FAM178B: variants seen among roughly 807,000 people sequenced by gnomAD.
FAM178B encodes family with sequence similarity 178 member B, also known as protein FAM178B.
A neutral mutation model predicts 91.7 loss-of-function variants in FAM178B; 82 were observed. The ratio of observed to expected loss-of-function variants is 0.89; its 90% confidence interval spans 0.75 to 1.07. The LOEUF (loss-of-function observed/expected upper bound fraction) is 1.07. FAM178B is among the 50% of genes least tolerant of loss of function. The pLI is 0.00. For synonymous variants in FAM178B, 368 were observed against 359.4 expected (o/e 1.02, Z -0.27); for missense variants, 769 against 846.7 (o/e 0.91, Z 1.14).
chr2:96,911,545 G>A (rs1023050940), intron 12 of FAM178B, among the ~76,000 whole-genome samples: 2 of 152,224 alleles, frequency 1.3e-5, no homozygotes, highest in Admixed American at 6.5e-5. Context: ...TTCACCCTGA[G>A]GGGGAAAGTC....
intron 13 of FAM178B, chr2:96,895,168 C>T: frequency 8.2e-7 from 1 of 1,224,076 alleles, no homozygotes; most frequent in Non-Finnish European, 1.1e-6. Context: ...AAAGCAAATA[C>T]ATCGTATCGT....
chr2:96,940,146 G>A (rs62152941), intron 8 of FAM178B, among the ~76,000 whole-genome samples: 79 of 152,244 alleles, frequency 5.2e-4, no homozygotes, highest in South Asian at 4.6e-3. Context: ...TGCAGCTGGC[G>A]TGGCAGACCT....
intron 15 of FAM178B, 31 bp from the exon 16 acceptor site, chr2:96,878,073 G>A (rs371727015): frequency 3.1e-6 from 5 of 1,601,408 alleles, no homozygotes; most frequent in African/African-American, 2.7e-5. Flanking sequence ...CAAGAAGCGG[G>A]TGTAGCACAA....
chr2:96,893,494 AG>A (rs1373900549), intron 14 of FAM178B, among the ~76,000 whole-genome samples: 3 of 152,126 alleles, frequency 2.0e-5, no homozygotes, highest in African/African-American at 7.2e-5. Flanking sequence ...GAAAATGAAC[AG>A]GGAGGCTGGG....
chr2:96,968,006 ATCGCAGCC>A lies in FAM178B; in HGVS notation c.627-387_627-380del, dbSNP rs535815913. Among the ~76,000 whole-genome samples the A allele has an allele frequency of 1.8e-3, 264 of 143,948 alleles. 1 individual carries two copies. Among genetic ancestry groups the A allele is most frequent in the Non-Finnish European group, 2.9e-3 (197 of 67,276 alleles). The allele number at this position is 143,948 out of a possible 152,430, so 94.4% of individuals were successfully genotyped here. A position where few individuals can be genotyped will look rare whatever the true frequency, so the allele number is the denominator to read the frequency against. ...CTTTTTACAGATGCAACCAAAGTGTATCGCAGCCTCAAATGCCTGGGCTCAAGCAATTT... is the reference window on the plus strand; with the variant it reads ...CTTTTTACAGATGCAACCAAAGTGTATCAAATGCCTGGGCTCAAGCAATTT... On this transcript the variant is annotated intron_variant, in intron 4 of 16. Transcript: ENST00000490605.
rs1559063992 is a variant in FAM178B at position 96,905,834 on chromosome 2, A to ATGTATG, written c.1563-3128_1563-3127insCATACA. 7.6e-3 allele frequency among the ~76,000 whole-genome samples: 175 copies of ATGTATG among 23,026 alleles called. 3 individuals are homozygous for ATGTATG. Among genetic ancestry groups the ATGTATG allele is most frequent in the African/African-American group, 0.025 (171 of 6,874 alleles). 15.1% of individuals were successfully genotyped at this position (23,026 alleles called of 152,430 possible). A position where few individuals can be genotyped will look rare whatever the true frequency, so the allele number is the denominator to read the frequency against. On this transcript the variant is annotated intron_variant, in intron 12 of 16. Coordinates refer to ENST00000490605, the MANE Select transcript of FAM178B (RefSeq NM_001122646.3). ...TATATGTGTGTATATATATATATAT[A>ATGTATG]TATATATATATATATATATATATAT...
chr2:96,878,133 A>G, intron 15 of FAM178B, 91 bp from the exon 16 acceptor site: 2 of 1,390,642 alleles, frequency 1.4e-6, no homozygotes, highest in South Asian at 2.4e-5. Context: ...CAGAGAAAGG[A>G]AGGGGCACAT....
chr2:96,966,384 G>C (rs2082144131), intron 5 of FAM178B, among the ~76,000 whole-genome samples: 1 of 152,060 alleles, frequency 6.6e-6, no homozygotes, highest in Non-Finnish European at 1.5e-5. Context: ...CACATCATCA[G>C]AGCCCACACC....
intron 12 of FAM178B, among the ~76,000 whole-genome samples, chr2:96,908,223 C>A (rs570505636): frequency 6.6e-6 from 1 of 152,192 alleles, no homozygotes; most frequent in Non-Finnish European, 1.5e-5. Context: ...CGGGAATAGA[C>A]GGCGGGACAC....
At chr2:96,905,743 C>A (rs190044388) in intron 12 of FAM178B, among the ~76,000 whole-genome samples, 4,881 of 140,846 alleles carry the variant, frequency 0.035, 107 homozygotes, top group Middle Eastern at 0.12. Context: ...TCAAGACCAG[C>A]CTGACCAACA....
At chr2:96,975,956 A>C (rs1364985531) in intron 1 of FAM178B, among the ~76,000 whole-genome samples, 1 of 152,168 alleles carries the variant, frequency 6.6e-6, no homozygotes, top group African/African-American at 2.4e-5. Flanking sequence ...CAGAAGGCCA[A>C]AAGAAGGTAG....
intron 12 of FAM178B, among the ~76,000 whole-genome samples, chr2:96,907,837 G>A (rs1013631069): frequency 1.3e-5 from 2 of 152,228 alleles, no homozygotes; most frequent in African/African-American, 2.4e-5. Flanking sequence ...CACTCCCTGG[G>A]AGGAGAACTG....
intron 8 of FAM178B, among the ~76,000 whole-genome samples, chr2:96,944,783 G>A (rs968014831): frequency 2.6e-5 from 4 of 152,194 alleles, no homozygotes; most frequent in African/African-American, 9.6e-5. Context: ...GCGTTTACCT[G>A]CACCAAACCT....
chr2:96,924,318 A>C (rs1157260454), intron 9 of FAM178B, among the ~76,000 whole-genome samples: 1 of 152,226 alleles, frequency 6.6e-6, no homozygotes, highest in East Asian at 1.9e-4. Context: ...CTCACAAGCC[A>C]GCAAGTATGG....
chr2:96,933,536 T>C lies in FAM178B; in HGVS notation c.1079-4216A>G, dbSNP rs12615663. 3.5e-3 allele frequency among the ~76,000 whole-genome samples: 539 copies of C among 152,334 alleles called. 3 individuals carry two copies. Among genetic ancestry groups the C allele is most frequent in the East Asian group, 0.025 (127 of 5,180 alleles). On this transcript the variant is annotated intron_variant, in intron 8 of 16. Transcript: ENST00000490605. ...ACATCCCAAGAACCTCTTCGGTCAC[T>C]GGAAGCGCCAGCCTCAGCTCCAAGA...
chr2:96,929,491 T>C (rs1355733265), intron 8 of FAM178B, among the ~76,000 whole-genome samples, 171 bp from the exon 9 acceptor site: 1 of 152,216 alleles, frequency 6.6e-6, no homozygotes, highest in African/African-American at 2.4e-5. Flanking sequence ...TTCCAAGTAC[T>C]TCTGGGGCTT....
rs77165605 is a variant in FAM178B at position 96,883,948 on chromosome 2, C to T, written c.1777-5455G>A. ...GCCTTGGTATCATCATTGCCACACA[C>T]GAGTCCTCTCAGGACAGAGGTGTAA... On this transcript the variant is annotated intron_variant, in intron 14 of 16. Transcript: ENST00000490605. Among the ~76,000 whole-genome samples the T allele has an allele frequency of 4.2e-3, 638 of 152,278 alleles. 3 individuals are homozygous for T. Among genetic ancestry groups the T allele is most frequent in the African/African-American group, 0.015 (615 of 41,544 alleles).
intron 6 of FAM178B, among the ~76,000 whole-genome samples, chr2:96,956,199 G>A (rs1159772805): frequency 6.6e-6 from 1 of 152,226 alleles, no homozygotes; most frequent in African/African-American, 2.4e-5. Context: ...CAGGAGCATT[G>A]GATTTCCTTT....
At chr2:96,939,951 CAG>C (rs1559085629) in intron 8 of FAM178B, among the ~76,000 whole-genome samples, 1 of 152,156 alleles carries the variant, frequency 6.6e-6, no homozygotes, top group Non-Finnish European at 1.5e-5. Flanking sequence ...TTTTAAAAAA[CAG>C]AGATCAATTA....
Sources: allele counts gnomAD v4.1 joint callset (sites outside exome capture counted in the v4.1 genomes callset), GRCh38; gene constraint gnomAD v4.1.1; transcripts MANE v1.5; gene names NCBI Gene and HGNC (gene_info 2026-07-23, HGNC 2026-07-21).